VTI1A: variants seen among roughly 807,000 people sequenced by gnomAD.
VTI1A encodes the protein vesicle transport through interaction with t-SNAREs 1A.
A neutral mutation model predicts 34.9 loss-of-function variants in VTI1A; 22 were observed. The observed-to-expected ratio is 0.63, with a 90% CI of 0.45 to 0.90. The LOEUF is 0.90. VTI1A is among the 40% of genes least tolerant of loss of function. The pLI is 0.00. For missense variants in VTI1A, 268 were observed against 275.6 expected (o/e 0.97, Z 0.20); for synonymous variants, 87 against 97.3 (o/e 0.89, Z 0.62).
At chr10:112,839,522 C>T in the VTI1A span, among the ~76,000 whole-genome samples, 1 of 142,348 alleles carries the variant, frequency 7.0e-6, no homozygotes. Context: ...TTAAGGACTG[C>T]TGGCTGGTTG....
chr10:112,585,742 A>T (rs1844126672), intron 5 of VTI1A, among the ~76,000 whole-genome samples: 1 of 150,762 alleles, frequency 6.6e-6, no homozygotes, highest in Admixed American at 6.6e-5. Flanking sequence ...TTTGGAAAGA[A>T]TTAGCATATT....
At chr10:112,781,881 G>A (rs1293015055) in intron 7 of VTI1A, among the ~76,000 whole-genome samples, 5 of 152,034 alleles carry the variant, frequency 3.3e-5, no homozygotes, top group Non-Finnish European at 7.4e-5. Context: ...GACTTTGTCA[G>A]CTCTGCACTG....
chr10:112,732,915 C>T (rs185550891), intron 7 of VTI1A, among the ~76,000 whole-genome samples: 1 of 146,156 alleles, frequency 6.8e-6, no homozygotes, highest in African/African-American at 2.7e-5. Context: ...CCAGAGTTGA[C>T]ACAGTAAAGG....
intron 3 of VTI1A, among the ~76,000 whole-genome samples, chr10:112,481,529 T>C (rs1052630809): frequency 2.6e-5 from 4 of 152,222 alleles, no homozygotes; most frequent in Admixed American, 6.5e-5. Context: ...AAGGGAAATA[T>C]GGTTATAAAA....
chr10:112,585,562 C>T (rs1844115855), intron 5 of VTI1A, among the ~76,000 whole-genome samples: 1 of 151,900 alleles, frequency 6.6e-6, no homozygotes, highest in African/African-American at 2.4e-5. Context: ...TTCTACTTCC[C>T]AGAAATCATT....
At chr10:112,780,841 A>G (rs1852101488) in intron 7 of VTI1A, among the ~76,000 whole-genome samples, 1 of 151,600 alleles carries the variant, frequency 6.6e-6, no homozygotes, top group Non-Finnish European at 1.5e-5. Context: ...CTCCCCGGGC[A>G]CCCCAGTGTT....
intron 5 of VTI1A, among the ~76,000 whole-genome samples, chr10:112,548,173 C>T (rs1851207288): frequency 6.6e-6 from 1 of 152,126 alleles, no homozygotes; most frequent in Non-Finnish European, 1.5e-5. Flanking sequence ...ACTTTATCGC[C>T]TTCTGTCTTT....
chr10:112,476,116 A>G (rs1848266507), intron 3 of VTI1A, among the ~76,000 whole-genome samples: 1 of 152,216 alleles, frequency 6.6e-6, no homozygotes, highest in African/African-American at 2.4e-5. Flanking sequence ...AATTAATGGA[A>G]AAATGTTATT....
At chr10:112,810,560 C>G (rs892979719) in intron 7 of VTI1A, among the ~76,000 whole-genome samples, 2 of 152,158 alleles carry the variant, frequency 1.3e-5, no homozygotes, top group Admixed American at 1.3e-4. Context: ...ACACACCAAA[C>G]TGTCCAGGTG....
intron 5 of VTI1A, among the ~76,000 whole-genome samples, chr10:112,540,327 T>C (rs2134261052): frequency 6.6e-6 from 1 of 152,272 alleles, no homozygotes; most frequent in East Asian, 1.9e-4. Flanking sequence ...AACTTAAGAG[T>C]GTCCTGTCAG....
chr10:112,570,583 T>C (rs1335088574), intron 5 of VTI1A, among the ~76,000 whole-genome samples: 2 of 152,210 alleles, frequency 1.3e-5, no homozygotes, highest in African/African-American at 4.8e-5. Flanking sequence ...GCTATTTTAA[T>C]GAAGGAAAAT....
chr10:112,471,367 A>ATT (rs576549183), intron 3 of VTI1A, among the ~76,000 whole-genome samples: 7,288 of 94,122 alleles, frequency 0.077, 308 homozygotes, highest in East Asian at 0.1. Flanking sequence ...ATTCTTATTG[A>ATT]TTTTTTTTTT....
chr10:112,624,209 A>G (rs1365822896), intron 5 of VTI1A, among the ~76,000 whole-genome samples: 8 of 151,944 alleles, frequency 5.3e-5, no homozygotes, highest in African/African-American at 1.9e-4. Flanking sequence ...CTTTCTTTCC[A>G]TCATCAGCAA....
chr10:112,683,853 G>A (rs1379213825), intron 7 of VTI1A, among the ~76,000 whole-genome samples: 3 of 152,268 alleles, frequency 2.0e-5, no homozygotes. Flanking sequence ...GACCAGCCTG[G>A]CCAACATGGC....
intron 7 of VTI1A, among the ~76,000 whole-genome samples, chr10:112,812,978 TAC>T (rs752777428): frequency 2.6e-5 from 4 of 152,218 alleles, no homozygotes; most frequent in Non-Finnish European, 5.9e-5. Context: ...AATGGAAGAT[TAC>T]AGTTACCAGA....
chr10:112,784,371 G>T (rs1213433610), intron 7 of VTI1A, among the ~76,000 whole-genome samples: 1 of 152,204 alleles, frequency 6.6e-6, no homozygotes, highest in Non-Finnish European at 1.5e-5. Flanking sequence ...AAAAGAAATT[G>T]CCTATATGAT....
intron 7 of VTI1A, among the ~76,000 whole-genome samples, chr10:112,742,210 T>C (rs1238447232): frequency 2.0e-5 from 3 of 152,234 alleles, no homozygotes; most frequent in African/African-American, 7.2e-5. Flanking sequence ...GCACGTTAAG[T>C]TGATTACACA....
chr10:112,451,658 AGTGGATTG>A (rs1486052088), intron 1 of VTI1A, among the ~76,000 whole-genome samples: 1 of 152,198 alleles, frequency 6.6e-6, no homozygotes, highest in African/African-American at 2.4e-5. Flanking sequence ...GCCTGAGTCT[AGTGGATTG>A]GTTATGCCAA....
the VTI1A span, among the ~76,000 whole-genome samples, chr10:112,852,716 A>T: frequency 6.6e-6 from 1 of 151,922 alleles, no homozygotes; most frequent in Non-Finnish European, 1.5e-5. Flanking sequence ...TCCTCTGGGG[A>T]TTGCTCCTCT....
Sources: allele counts gnomAD v4.1 joint callset (sites outside exome capture counted in the v4.1 genomes callset), GRCh38; gene constraint gnomAD v4.1.1; transcripts MANE v1.5; gene names NCBI Gene and HGNC (gene_info 2026-07-23, HGNC 2026-07-21).